Variants in GRID1 observed in about 807,000 individuals in gnomAD.
GRID1 encodes glutamate ionotropic receptor delta type subunit 1.
A neutral mutation model predicts 98.0 loss-of-function variants in GRID1; 28 were observed. That is an observed-to-expected ratio of 0.29 (90% CI 0.21 to 0.39). GRID1 has a LOEUF of 0.39. GRID1 is among the 10% of genes least tolerant of loss of function. GRID1 has a pLI of 1.00. For missense variants in GRID1, 1,111 were observed against 1,340.5 expected, an observed-to-expected ratio of 0.83 and a Z score of 2.67; for synonymous variants, 553 against 538.5, an observed-to-expected ratio of 1.03 and a Z score of -0.37.
At chr10:85,630,229 G>C (rs1034793295) in intron 13 of GRID1, among the ~76,000 whole-genome samples, 8 of 152,158 alleles carry the variant, frequency 5.3e-5, no homozygotes, top group Non-Finnish European at 1.2e-4. Flanking sequence ...CAAGGGTTTG[G>C]AGACAGGTGG....
intron 12 of GRID1, among the ~76,000 whole-genome samples, chr10:85,722,232 A>G (rs1325929704): frequency 6.6e-6 from 1 of 152,160 alleles, no homozygotes; most frequent in Admixed American, 6.5e-5. Flanking sequence ...AATTAAAGGG[A>G]TGTTACTAAA....
chr10:85,837,172 T>C (rs1339270061), intron 8 of GRID1, among the ~76,000 whole-genome samples: 2 of 152,052 alleles, frequency 1.3e-5, no homozygotes, highest in Admixed American at 6.5e-5. Context: ...CCCATACTTG[T>C]GCTAATGCTG....
intron 4 of GRID1, among the ~76,000 whole-genome samples, chr10:86,080,509 G>A (rs1843961970): frequency 6.8e-6 from 1 of 146,986 alleles, no homozygotes; most frequent in African/African-American, 2.5e-5. Flanking sequence ...AAAGGGGAAA[G>A]GAGAAAGAAA....
At chr10:86,338,558 G>T (rs1848262736) in intron 2 of GRID1, among the ~76,000 whole-genome samples, 1 of 152,094 alleles carries the variant, frequency 6.6e-6, no homozygotes, top group South Asian at 2.1e-4. Flanking sequence ...AGAGTCCACA[G>T]TAACAGCCCC....
At chr10:86,053,215 C>T (rs1009799281) in intron 4 of GRID1, among the ~76,000 whole-genome samples, 1 of 152,048 alleles carries the variant, frequency 6.6e-6, no homozygotes, top group African/African-American at 2.4e-5. Context: ...AATTTTTCTA[C>T]AATTAATATA....
At chr10:85,826,651 G>C (rs537890037) in intron 8 of GRID1, among the ~76,000 whole-genome samples, 83 of 152,216 alleles carry the variant, frequency 5.5e-4, no homozygotes, top group Non-Finnish European at 6.2e-4. Flanking sequence ...CACTGCTGTG[G>C]CTACTGGCAG....
In GRID1 at chr10:85,622,433, G is replaced by T. The variant is rs192018981; in HGVS notation, c.2194-2400C>A. On this transcript the variant is annotated intron_variant, in intron 13 of 15. Transcript: ENST00000327946. ...CTTTTTTTTAAAAAAAATATAGACA[G>T]TCTTGCTATGTTGCCCAGGCTGAAC... Among the ~76,000 whole-genome samples, 4 of 152,046 alleles carry T rather than the reference G, an allele frequency of 2.6e-5. No homozygotes were observed. The East Asian group carries it at 7.7e-4, about 29-fold the overall frequency.
At chr10:86,358,683 G>A (rs1246871488) in intron 2 of GRID1, among the ~76,000 whole-genome samples, 5 of 151,850 alleles carry the variant, frequency 3.3e-5, no homozygotes, top group African/African-American at 4.8e-5. Flanking sequence ...GTGTGAATCC[G>A]GGAGGCAGAG....
At chr10:85,948,484 G>A (rs921189594) in intron 4 of GRID1, among the ~76,000 whole-genome samples, 1 of 152,012 alleles carries the variant, frequency 6.6e-6, no homozygotes, top group Non-Finnish European at 1.5e-5. Context: ...CATCTCACTT[G>A]GTTTTTTAAA....
At chr10:86,028,325 G>T (rs945313460) in intron 4 of GRID1, among the ~76,000 whole-genome samples, 5 of 152,154 alleles carry the variant, frequency 3.3e-5, no homozygotes. Flanking sequence ...TTCTGGGAAG[G>T]TTATGGAATT....
chr10:86,143,630 C>A (rs1283506196), intron 3 of GRID1, among the ~76,000 whole-genome samples: 2 of 152,198 alleles, frequency 1.3e-5, no homozygotes, highest in Non-Finnish European at 2.9e-5. Flanking sequence ...ACCACACGCA[C>A]CTCCACCTGC....
At chr10:86,110,073 A>G (rs1844455988) in intron 4 of GRID1, among the ~76,000 whole-genome samples, 1 of 151,226 alleles carries the variant, frequency 6.6e-6, no homozygotes, top group African/African-American at 2.4e-5. Flanking sequence ...CTCGGGTTCA[A>G]GCAATTCTCC....
In GRID1 at chr10:85,601,970, C is replaced by T. The variant is rs1590152758; in HGVS notation, c.*303G>A. Reference sequence around the variant, plus strand: ...TCAGAAAGGCCCAGGAATGGGGGGGCTCCTTTGGCACTTCAGAATGATCAC... The same window carrying T: ...TCAGAAAGGCCCAGGAATGGGGGGGTTCCTTTGGCACTTCAGAATGATCAC... On this transcript the variant is annotated 3_prime_UTR_variant, in exon 16 of 16. Coordinates refer to ENST00000327946, the MANE Select transcript of GRID1 (RefSeq NM_017551.3). The T allele has an allele frequency of 6.9e-6, 2 of 289,604 alleles. No homozygotes were observed. Among genetic ancestry groups the T allele is most frequent in the East Asian group, 1.2e-4 (2 of 17,156 alleles). 17.9% of individuals were successfully genotyped at this position (289,604 alleles called of 1,614,324 possible).
chr10:86,118,747 T>A (rs951080706), intron 4 of GRID1, among the ~76,000 whole-genome samples: 2 of 152,216 alleles, frequency 1.3e-5, no homozygotes, highest in Non-Finnish European at 2.9e-5. Context: ...ATGTTAATAG[T>A]AAGTACCCTT....
At chr10:85,732,012 T>C (rs1841831912) in intron 8 of GRID1, among the ~76,000 whole-genome samples, 2 of 152,130 alleles carry the variant, frequency 1.3e-5, no homozygotes, top group Admixed American at 1.3e-4. Flanking sequence ...AATTGGTTCC[T>C]ACAGCTGGAT....
At chr10:86,020,497 T>G (rs185813127) in intron 4 of GRID1, among the ~76,000 whole-genome samples, 66 of 152,374 alleles carry the variant, frequency 4.3e-4, no homozygotes, top group African/African-American at 1.5e-3. Context: ...TGAACTGAGT[T>G]CCAACCTTTA....
chr10:86,360,102 G>A (rs865843728), intron 2 of GRID1, among the ~76,000 whole-genome samples: 3 of 152,128 alleles, frequency 2.0e-5, no homozygotes, highest in Non-Finnish European at 4.4e-5. Flanking sequence ...ACATATCCAG[G>A]CCGAGTTTCT....
At chr10:85,869,233 A>G (rs1436781898) in intron 5 of GRID1, 53 bp from the exon 6 acceptor site, 3 of 1,510,470 alleles carry the variant, frequency 2.0e-6, no homozygotes, top group Non-Finnish European at 2.8e-6. Context: ...CTATCTCTGC[A>G]AGAGACCTAT....
chr10:85,970,627 G>A (rs1179991898), intron 4 of GRID1, among the ~76,000 whole-genome samples: 1 of 151,968 alleles, frequency 6.6e-6, no homozygotes, highest in Non-Finnish European at 1.5e-5. Context: ...AGCTTTTCAT[G>A]ATTAAAAACA....
Sources: allele counts gnomAD v4.1 joint callset (sites outside exome capture counted in the v4.1 genomes callset), GRCh38; gene constraint gnomAD v4.1.1; transcripts MANE v1.5; gene names NCBI Gene and HGNC (gene_info 2026-07-23, HGNC 2026-07-21).